ACP6: variants seen among roughly 807,000 people sequenced by gnomAD.
ACP6 encodes acid phosphatase 6, lysophosphatidic.
A neutral mutation model predicts 48.1 loss-of-function variants in ACP6; 48 were observed. The ratio of observed to expected loss-of-function variants is 1.00; its 90% CI spans 0.79 to 1.27. The LOEUF (loss-of-function observed/expected upper bound fraction) is 1.27, where lower values mean the gene tolerates loss of function less well. Among genes scored for constraint, ACP6 ranks in the 50% most tolerant of loss-of-function variants. The pLI, the probability that ACP6 is intolerant of heterozygous loss-of-function variation, is 0.00. For synonymous variants in ACP6, 172 were observed against 204.2 expected, an observed-to-expected ratio of 0.84 and a Z score of 1.34; for missense variants, 485 against 529.1, an observed-to-expected ratio of 0.92 and a Z score of 0.82.
downstream of ACP6, among the ~76,000 whole-genome samples, chr1:147,638,298 A>G (rs587607739): frequency 7.2e-5 from 11 of 152,316 alleles, no homozygotes; most frequent in South Asian, 2.1e-3. Flanking sequence ...TATGAGGTAA[A>G]TACTCTTCTT....
rs1553214316 is a variant in ACP6, at chr1:147,669,828, A to G, written c.219+2T>C. ...CAGCCCCAGCCCGGGCCGACCTCTC[A>G]CCTGCTCCTCCAGCGGGAGCGGCTT... On this transcript the variant is annotated splice_donor_variant, in intron 1 of 9. Transcript: ENST00000583509. LOFTEE classifies it high-confidence loss of function. The G allele has an allele frequency of 3.2e-6, 5 of 1,578,872 alleles. No individual in the cohort carries two copies. The highest frequency in any genetic ancestry group is 1.7e-6 in the Non-Finnish European group (2 of 1,159,610).
chr1:147,659,068 C>T (rs1553212207), intron 3 of ACP6, 29 bp from the exon 4 acceptor site: 1 of 1,576,380 alleles, frequency 6.3e-7, no homozygotes, highest in East Asian at 2.2e-5. Context: ...TAGTGACACT[C>T]ATAAAAGGAA....
At chr1:147,667,133 T>C (rs1660836481) in intron 1 of ACP6, among the ~76,000 whole-genome samples, 1 of 152,186 alleles carries the variant, frequency 6.6e-6, no homozygotes, top group African/African-American at 2.4e-5. Context: ...TTCTATATTT[T>C]TATTTCCAAA....
At chr1:147,661,612 G>C (rs138913173) in intron 1 of ACP6, among the ~76,000 whole-genome samples, 2 of 152,116 alleles carry the variant, frequency 1.3e-5, no homozygotes, top group Non-Finnish European at 2.9e-5. Flanking sequence ...AAAGTTTCAA[G>C]TTTCTCACTT....
rs1481831446 is a variant in ACP6, at chr1:147,642,695, T to C, written c.*4728A>G. 6.6e-6 allele frequency: 1 copy of C among 152,188 alleles called. No individual in the cohort carries two copies. The highest frequency in any genetic ancestry group is 2.1e-4 in the South Asian group (1 of 4,834). 9.4% of individuals were successfully genotyped at this position (152,188 alleles called of 1,614,324 possible). ...ATGTCCAAGTGTCTGAGCACTGGCATGCACTAGGCACTATTCCAGGTGCTG... is the reference window on the plus strand; with the variant it reads ...ATGTCCAAGTGTCTGAGCACTGGCACGCACTAGGCACTATTCCAGGTGCTG... On this transcript the variant is annotated 3_prime_UTR_variant, in exon 10 of 10. Coordinates refer to ENST00000583509, the MANE Select transcript of ACP6 (RefSeq NM_016361.5).
At chr1:147,669,286 G>A (rs1553214142) in intron 1 of ACP6, among the ~76,000 whole-genome samples, 2 of 151,382 alleles carry the variant, frequency 1.3e-5, no homozygotes, top group African/African-American at 4.9e-5. Flanking sequence ...AAAAACTTCA[G>A]GAGATCTCAA....
At chr1:147,663,967 C>G (rs1342534093) in intron 1 of ACP6, among the ~76,000 whole-genome samples, 1 of 152,138 alleles carries the variant, frequency 6.6e-6, no homozygotes, top group Non-Finnish European at 1.5e-5. Flanking sequence ...TTAAAACTAA[C>G]ATTTGGAAAC....
Position 147,643,096 on chromosome 1 carries a change from T to A in ACP6, c.*4327A>T, listed in dbSNP as rs1659504599. The A allele has an allele frequency of 6.6e-6, 1 of 152,210 alleles. No individual in the cohort carries two copies. Among genetic ancestry groups the A allele is most frequent in the African/African-American group, 2.4e-5 (1 of 41,430 alleles). The allele number at this position is 152,210 out of a possible 1,614,324, so 9.4% of individuals were successfully genotyped here. On this transcript the variant is annotated 3_prime_UTR_variant, in exon 10 of 10. Transcript: ENST00000583509. ...CATATTGGATTACAGCCTACCCATA[T>A]GACCTCATTTACTTTACCTCTTAAA...
At position 147,643,099 on chromosome 1, in the gene ACP6, C is replaced by G. The variant is rs184532429; in HGVS notation, c.*4324G>C. The G allele has an allele frequency of 3.3e-5, 5 of 152,258 alleles. No individual in the cohort carries two copies. The highest frequency in any genetic ancestry group is 5.9e-5 in the Non-Finnish European group (4 of 68,032). 9.4% of individuals were successfully genotyped at this position (152,258 alleles called of 1,614,324 possible). ...ATTGGATTACAGCCTACCCATATGA[C>G]CTCATTTACTTTACCTCTTAAAAGG... On this transcript the variant is annotated 3_prime_UTR_variant, in exon 10 of 10. Coordinates refer to ENST00000583509, the MANE Select transcript of ACP6 (RefSeq NM_016361.5).
intron 7 of ACP6, chr1:147,650,797 C>T (rs1485257853): frequency 6.6e-6 from 1 of 152,262 alleles, no homozygotes; most frequent in Non-Finnish European, 1.5e-5. Context: ...CTTTCATTCT[C>T]AGGCCTGTCA....
At chr1:147,659,597 C>T (rs1418059615) in intron 2 of ACP6, 50 bp downstream of exon 2, 1 of 1,613,416 alleles carries the variant, frequency 6.2e-7, no homozygotes, top group East Asian at 2.2e-5. Context: ...CCAGAGAAAA[C>T]AACCCAACCT....
rs1320630360 is a variant in ACP6 at position 147,644,393 on chromosome 1, C to T, written c.*3030G>A. ...GGGGTGCAGTGAGATGTCATAGGACCGTGAGGGCATTATGACTGGCCCTTA... is the reference window on the plus strand; with the variant it reads ...GGGGTGCAGTGAGATGTCATAGGACTGTGAGGGCATTATGACTGGCCCTTA... On this transcript the variant is annotated 3_prime_UTR_variant, in exon 10 of 10. Transcript: ENST00000583509. The T allele has an allele frequency of 6.6e-6, 1 of 152,074 alleles. No individual in the cohort carries two copies. Among genetic ancestry groups the T allele is most frequent in the African/African-American group, 2.4e-5 (1 of 41,384 alleles). The allele number at this position is 152,074 out of a possible 1,614,324, so 9.4% of individuals were successfully genotyped here.
chr1:147,656,493 A>C (rs41399146), intron 4 of ACP6, among the ~76,000 whole-genome samples: 14,990 of 152,228 alleles, frequency 0.098, 1,031 homozygotes, highest in East Asian at 0.34. Flanking sequence ...GTGAAAAGGA[A>C]AAACCAAATG....
exon 6 of ACP6, chr1:147,629,692 A>T (rs1247431356): frequency 6.6e-6 from 1 of 152,250 alleles, no homozygotes; most frequent in Non-Finnish European, 1.5e-5. Context: ...CATTTAAAGC[A>T]ATAAGTATAT....
chr1:147,635,315 C>T (rs1659269256), intron 5 of ACP6, among the ~76,000 whole-genome samples: 1 of 152,158 alleles, frequency 6.6e-6, no homozygotes, highest in Non-Finnish European at 1.5e-5. Flanking sequence ...GATTTCAATC[C>T]CTCCCAGCAA....
chr1:147,641,809 G>A (rs1659460320), downstream of ACP6, among the ~76,000 whole-genome samples: 1 of 152,182 alleles, frequency 6.6e-6, no homozygotes, highest in African/African-American at 2.4e-5. Flanking sequence ...AGGGAGCCAG[G>A]GTTCTGTACA....
Position 147,648,313 on chromosome 1 carries a change from A to C in ACP6, c.1076T>G (p.Leu359Arg). Residue 359 changes from leucine to arginine, a missense_variant, in exon 9 of 10, where the codon CTG (leucine) becomes CGG (arginine). Transcript: ENST00000583509. Reference sequence around the variant, plus strand: ...CAGGTGCTGGTAAAGTTCCATGGTCAGGTCAACAGCAAACGGTGGCCATTT... The same window carrying C: ...CAGGTGCTGGTAAAGTTCCATGGTCCGGTCAACAGCAAACGGTGGCCATTT... Reference protein sequence around the residue: ...DHKWPPFAVDLTMELYQHLES... With the variant: ...DHKWPPFAVDRTMELYQHLES... The C allele has an allele frequency of 6.2e-7, 1 of 1,614,192 alleles. No individual in the cohort carries two copies. The highest frequency in any genetic ancestry group is 8.5e-7 in the Non-Finnish European group (1 of 1,180,032).
intron 4 of ACP6, among the ~76,000 whole-genome samples, chr1:147,656,930 T>G (rs1660287815): frequency 6.6e-6 from 1 of 152,150 alleles, no homozygotes; most frequent in South Asian, 2.1e-4. Context: ...GTATTGGGTA[T>G]TATGTCATCT....
At chr1:147,664,670 G>A (rs1159972628) in intron 1 of ACP6, among the ~76,000 whole-genome samples, 3 of 152,154 alleles carry the variant, frequency 2.0e-5, no homozygotes, top group Non-Finnish European at 4.4e-5. Context: ...CCAACAATTT[G>A]CCAGCTCCTG....
Sources: allele counts gnomAD v4.1 joint callset (sites outside exome capture counted in the v4.1 genomes callset), GRCh38; gene constraint gnomAD v4.1.1; transcripts MANE v1.5; gene names NCBI Gene and HGNC (gene_info 2026-07-23, HGNC 2026-07-21).